The following ASTN2 variants were observed in gnomAD, a reference collection of about 807,000 sequenced individuals.
ASTN2 encodes astrotactin 2, also known as astrotactin-2.
In ASTN2, 54 loss-of-function variants were observed where a neutral mutation model predicts 139.8. That is an observed-to-expected ratio of 0.39 (90% CI 0.31 to 0.48). The LOEUF is 0.48. ASTN2 is among the 20% of genes least tolerant of loss of function. ASTN2 has a pLI of 0.95. For missense variants in ASTN2, 1,565 were observed against 1,725.1 expected (o/e 0.91, Z 1.64); for synonymous variants, 756 against 719.5 (o/e 1.05, Z -0.81).
At chr9:117,201,059 A>G (rs1019828013) in intron 3 of ASTN2, among the ~76,000 whole-genome samples, 3 of 98,738 alleles carry the variant, frequency 3.0e-5, no homozygotes, top group African/African-American at 1.2e-4. Flanking sequence ...AGAGCTTGTT[A>G]TTGGTCTATT....
At chr9:116,707,032 G>A (rs1490853008) in intron 16 of ASTN2, among the ~76,000 whole-genome samples, 2 of 151,682 alleles carry the variant, frequency 1.3e-5, no homozygotes, top group East Asian at 3.9e-4. Flanking sequence ...ACTGTCACGA[G>A]GCTCAGAGGA....
intron 10 of ASTN2, among the ~76,000 whole-genome samples, chr9:116,877,065 C>T (rs1414618561): frequency 2.0e-5 from 3 of 152,258 alleles, no homozygotes; most frequent in Non-Finnish European, 4.4e-5. Context: ...CAAACCTATC[C>T]CCTCCTTTTT....
At chr9:116,608,821 T>C (rs1027369729) in intron 19 of ASTN2, among the ~76,000 whole-genome samples, 3 of 152,104 alleles carry the variant, frequency 2.0e-5, no homozygotes, top group South Asian at 2.1e-4. Context: ...ACTGATCCAG[T>C]TGTCAGGATT....
At chr9:116,587,062 C>G (rs906764368) in intron 19 of ASTN2, among the ~76,000 whole-genome samples, 1 of 152,076 alleles carries the variant, frequency 6.6e-6, no homozygotes, top group African/African-American at 2.4e-5. Flanking sequence ...AACACTGGGC[C>G]AAGCGTGGTG....
chr9:116,674,594 A>G (rs1343953954), intron 16 of ASTN2, among the ~76,000 whole-genome samples: 1 of 152,222 alleles, frequency 6.6e-6, no homozygotes, highest in African/African-American at 2.4e-5. Flanking sequence ...AACTAAAGGT[A>G]AAGAGGACTA....
intron 5 of ASTN2, among the ~76,000 whole-genome samples, chr9:117,046,276 T>C (rs546366118): frequency 1.3e-5 from 2 of 152,190 alleles, no homozygotes; most frequent in African/African-American, 4.8e-5. Flanking sequence ...GCTAGGATTA[T>C]AGGCATGAGC....
chr9:117,358,096 A>G (rs1829591762), intron 1 of ASTN2, among the ~76,000 whole-genome samples: 1 of 152,186 alleles, frequency 6.6e-6, no homozygotes, highest in African/African-American at 2.4e-5. Context: ...AGTCAGTGAT[A>G]TAATGAGGAT....
In ASTN2 at chr9:116,805,550, C is replaced by T. The variant is rs1028041860; in HGVS notation, c.2396+82G>A. 4.6e-6 allele frequency: 6 copies of T among 1,303,188 alleles called. No homozygotes were observed. The African/African-American group carries it at 5.8e-5, about 13-fold the overall frequency. 80.7% of individuals were successfully genotyped at this position (1,303,188 alleles called of 1,614,324 possible). ...TGGCCAGAATAACAGGTCTCTACCC[C>T]ATTGTGCCCATGGCTTCCTCCCTGT... On this transcript the variant is annotated intron_variant, in intron 13 of 22. Coordinates refer to ENST00000313400, the MANE Select transcript of ASTN2 (RefSeq NM_001365068.1).
chr9:116,743,687 G>A (rs1829156985), intron 13 of ASTN2, among the ~76,000 whole-genome samples: 2 of 152,134 alleles, frequency 1.3e-5, no homozygotes, highest in Admixed American at 6.5e-5. Context: ...ATTTTTAGTA[G>A]AGACGGGGTT....
intron 5 of ASTN2, among the ~76,000 whole-genome samples, chr9:117,053,699 C>T (rs559483476): frequency 3.5e-4 from 54 of 152,192 alleles, no homozygotes; most frequent in African/African-American, 1.3e-3. Flanking sequence ...CCTAAGGAAG[C>T]GGGACCCAAG....
chr9:116,640,729 C>G (rs2131891599), intron 17 of ASTN2, among the ~76,000 whole-genome samples: 1 of 152,312 alleles, frequency 6.6e-6, no homozygotes, highest in African/African-American at 2.4e-5. Context: ...TTAAGAGCAA[C>G]TGGAAGTCGA....
chr9:116,792,786 A>C (rs1467339195), intron 13 of ASTN2, among the ~76,000 whole-genome samples: 1 of 152,158 alleles, frequency 6.6e-6, no homozygotes, highest in Non-Finnish European at 1.5e-5. Flanking sequence ...TCCTGCTTTC[A>C]AACTGGCAAA....
chr9:117,144,455 T>C (rs2132864682), intron 3 of ASTN2, among the ~76,000 whole-genome samples: 1 of 152,248 alleles, frequency 6.6e-6, no homozygotes, highest in South Asian at 2.1e-4. Flanking sequence ...CAGCTTTGAA[T>C]GCAGCCCAAT....
At chr9:117,250,812 T>C (rs1833516723) in intron 2 of ASTN2, among the ~76,000 whole-genome samples, 1 of 152,116 alleles carries the variant, frequency 6.6e-6, no homozygotes, top group African/African-American at 2.4e-5. Context: ...TATGGGAGTG[T>C]GTACTCTAGC....
At chr9:116,899,902 C>G (rs147622843) in intron 10 of ASTN2, among the ~76,000 whole-genome samples, 2 of 152,110 alleles carry the variant, frequency 1.3e-5, no homozygotes, top group Admixed American at 1.3e-4. Context: ...CAAGCAGACC[C>G]GTAAAAGTGG....
intron 22 of ASTN2, among the ~76,000 whole-genome samples, chr9:116,427,100 T>C (rs1847333152): frequency 6.6e-6 from 1 of 152,108 alleles, no homozygotes; most frequent in Non-Finnish European, 1.5e-5. Context: ...ATTCTTGCAA[T>C]CACCTAGTCC....
chr9:117,075,702 C>A (rs913183142), intron 5 of ASTN2, among the ~76,000 whole-genome samples: 1 of 152,116 alleles, frequency 6.6e-6, no homozygotes, highest in Non-Finnish European at 1.5e-5. Context: ...TTGCCACTGA[C>A]CTTCTATATA....
intron 1 of ASTN2, among the ~76,000 whole-genome samples, chr9:117,355,602 A>G (rs1307284397): frequency 2.6e-5 from 4 of 152,206 alleles, no homozygotes; most frequent in Middle Eastern, 3.2e-3. Flanking sequence ...GCCAGGACAG[A>G]AAAGCAAAAC....
chr9:117,310,472 C>T (rs1346503892), intron 1 of ASTN2, among the ~76,000 whole-genome samples: 1 of 152,148 alleles, frequency 6.6e-6, no homozygotes, highest in Non-Finnish European at 1.5e-5. Context: ...CCCTGCTTTC[C>T]TAGTCCTCAT....
Sources: gnomAD v4.1 joint callset for allele counts (sites outside exome capture counted in the v4.1 genomes callset) on GRCh38, gnomAD v4.1.1 for gene constraint, MANE v1.5 for transcripts, NCBI Gene and HGNC (gene_info 2026-07-23, HGNC 2026-07-21) for gene names.